The following SEMA3E variants were observed in gnomAD, a reference collection of about 807,000 sequenced individuals.
The protein encoded by SEMA3E is semaphorin 3E.
A neutral mutation model predicts 93.6 loss-of-function variants in SEMA3E; 49 were observed. The observed-to-expected ratio is 0.52, with a 90% CI of 0.42 to 0.66. The LOEUF is 0.66. SEMA3E is among the 30% of genes least tolerant of loss of function. SEMA3E has a pLI of 0.00. For synonymous variants in SEMA3E, 363 were observed against 330.7 expected (o/e 1.10, Z -1.06); for missense variants, 906 against 964.8 (o/e 0.94, Z 0.81).
At chr7:83,522,162 C>T (rs1715282760) in intron 1 of SEMA3E, among the ~76,000 whole-genome samples, 3 of 152,210 alleles carry the variant, frequency 2.0e-5, no homozygotes, top group Admixed American at 2.0e-4. Flanking sequence ...TTCAATGCTA[C>T]CTTAAGCAAT....
At chr7:83,413,900 A>G (rs571840177) in intron 5 of SEMA3E, among the ~76,000 whole-genome samples, 48 of 152,282 alleles carry the variant, frequency 3.2e-4, no homozygotes, top group Middle Eastern at 3.4e-3. Context: ...AGGAGAGAAT[A>G]TAAGTGGGGA....
intron 1 of SEMA3E, among the ~76,000 whole-genome samples, chr7:83,640,038 C>T (rs956469109): frequency 6.6e-6 from 1 of 152,104 alleles, no homozygotes; most frequent in East Asian, 1.9e-4. Flanking sequence ...ACTTTACTTC[C>T]ACAGTGTATC....
chr7:83,374,941 G>C (rs1247399843), intron 16 of SEMA3E, among the ~76,000 whole-genome samples: 1 of 151,796 alleles, frequency 6.6e-6, no homozygotes, highest in Admixed American at 6.6e-5. Flanking sequence ...AAAAAAACAA[G>C]AGCCAAAATC....
chr7:83,497,907 TAAAAG>T (rs1320640638), intron 1 of SEMA3E, among the ~76,000 whole-genome samples: 1 of 152,148 alleles, frequency 6.6e-6, no homozygotes, highest in Non-Finnish European at 1.5e-5. Flanking sequence ...ATTCTCCAGT[TAAAAG>T]AAAATAATAT....
intron 1 of SEMA3E, among the ~76,000 whole-genome samples, chr7:83,585,136 C>T (rs539144786): frequency 2.0e-5 from 3 of 152,282 alleles, no homozygotes; most frequent in South Asian, 4.1e-4. Flanking sequence ...TTGCTCTTCT[C>T]AGGACTAAGT....
At chr7:83,612,712 G>A (rs1191399532) in intron 1 of SEMA3E, 2 of 152,052 alleles carry the variant, frequency 1.3e-5, no homozygotes, top group Non-Finnish European at 1.5e-5. Flanking sequence ...CTAGGGGTGG[G>A]TAAAACATAT....
intron 3 of SEMA3E, 147 bp from the exon 4 acceptor site, chr7:83,466,748 A>G: frequency 1.0e-6 from 1 of 953,944 alleles, no homozygotes; most frequent in Non-Finnish European, 1.6e-6. Context: ...AGAAGAAAAG[A>G]GGACAAGAAC....
intron 1 of SEMA3E, among the ~76,000 whole-genome samples, chr7:83,634,626 G>A (rs945992792): frequency 1.3e-5 from 2 of 151,398 alleles, no homozygotes; most frequent in Admixed American, 6.6e-5. Flanking sequence ...TCTTATTATG[G>A]TTATTTAAAT....
chr7:83,536,623 C>A (rs1791414602), intron 1 of SEMA3E, among the ~76,000 whole-genome samples: 1 of 151,888 alleles, frequency 6.6e-6, no homozygotes, highest in Non-Finnish European at 1.5e-5. Flanking sequence ...TTAAAAAACA[C>A]ATCACAAAAG....
chr7:83,451,640 T>C (rs1259080912), intron 4 of SEMA3E, among the ~76,000 whole-genome samples: 1 of 152,240 alleles, frequency 6.6e-6, no homozygotes, highest in Non-Finnish European at 1.5e-5. Flanking sequence ...GTGTGCATTG[T>C]GTGCTTGACA....
At chr7:83,561,298 T>C (rs1447502987) in intron 1 of SEMA3E, among the ~76,000 whole-genome samples, 2 of 152,108 alleles carry the variant, frequency 1.3e-5, no homozygotes, top group Non-Finnish European at 2.9e-5. Flanking sequence ...TTGAGTTTAT[T>C]CAAGTAAAAA....
At chr7:83,593,266 C>G (rs868385726) in intron 1 of SEMA3E, among the ~76,000 whole-genome samples, 2,022 of 115,954 alleles carry the variant, frequency 0.017, 45 homozygotes, top group African/African-American at 0.071. Flanking sequence ...CTCTGTCTCT[C>G]TCTCTCTCTC....
At chr7:83,460,917 C>G (rs1456946752) in intron 4 of SEMA3E, among the ~76,000 whole-genome samples, 1 of 151,914 alleles carries the variant, frequency 6.6e-6, no homozygotes, top group Admixed American at 6.6e-5. Flanking sequence ...GCTTCCTTCA[C>G]TATAGGCAAG....
At chr7:83,501,172 CATT>C (rs1270242805) in intron 1 of SEMA3E, among the ~76,000 whole-genome samples, 2 of 152,108 alleles carry the variant, frequency 1.3e-5, no homozygotes, top group Admixed American at 1.3e-4. Flanking sequence ...GTTACTTCAT[CATT>C]AATTCACATT....
intron 4 of SEMA3E, among the ~76,000 whole-genome samples, chr7:83,465,194 C>T (rs913065495): frequency 6.6e-6 from 1 of 152,012 alleles, no homozygotes; most frequent in Non-Finnish European, 1.5e-5. Flanking sequence ...CCCACTCCTG[C>T]CCACCAGAGA....
At chr7:83,639,130 A>AAAC (rs1793945341) in intron 1 of SEMA3E, among the ~76,000 whole-genome samples, 1 of 142,262 alleles carries the variant, frequency 7.0e-6, no homozygotes, top group African/African-American at 2.6e-5. Flanking sequence ...AAAAAAAAAA[A>AAAC]AAAAAAAAAA....
intron 1 of SEMA3E, among the ~76,000 whole-genome samples, chr7:83,543,989 T>C (rs1791591352): frequency 6.6e-6 from 1 of 152,068 alleles, no homozygotes; most frequent in African/African-American, 2.4e-5. Flanking sequence ...CTCCCACAAA[T>C]GCTTTCTAAA....
chr7:83,468,050 T>G (rs188817528), intron 3 of SEMA3E, among the ~76,000 whole-genome samples: 4 of 152,324 alleles, frequency 2.6e-5, no homozygotes, highest in Admixed American at 1.3e-4. Context: ...TTGAAATCAA[T>G]ACATGCAATC....
chr7:83,466,476 T>C lies in SEMA3E; in HGVS notation c.456+6A>G. Reference sequence around the variant, plus strand: ...TTTATTGACAGCAATGAATGAAACATCTTACCTCCAAATGATATCCAACTC... The same window carrying C: ...TTTATTGACAGCAATGAATGAAACACCTTACCTCCAAATGATATCCAACTC... On this transcript the variant is annotated splice_donor_region_variant and intron_variant, in intron 4 of 16. Transcript: ENST00000643230. 2 of 1,613,898 alleles carry C rather than the reference T, an allele frequency of 1.2e-6. No homozygotes were observed. The highest frequency in any genetic ancestry group is 1.7e-4 in the Middle Eastern group (1 of 6,060).
Sources: gnomAD v4.1 joint callset for allele counts (sites outside exome capture counted in the v4.1 genomes callset) on GRCh38, gnomAD v4.1.1 for gene constraint, MANE v1.5 for transcripts, NCBI Gene and HGNC (gene_info 2026-07-23, HGNC 2026-07-21) for gene names.